The following HS3ST4 variants were observed in gnomAD, a reference collection of about 807,000 sequenced individuals.
The protein encoded by HS3ST4 is heparan sulfate-glucosamine 3-sulfotransferase 4.
In HS3ST4, 17 loss-of-function variants were observed where a neutral mutation model predicts 29.2. The observed-to-expected ratio is 0.58, with a 90% CI of 0.40 to 0.87. The LOEUF is 0.87. HS3ST4 is among the 40% of genes least tolerant of loss of function. HS3ST4 has a pLI of 0.00. For missense variants in HS3ST4, 627 were observed against 634.5 expected (o/e 0.99, Z 0.13); for synonymous variants, 314 against 285.7 (o/e 1.10, Z -1.00).
intron 1 of HS3ST4, among the ~76,000 whole-genome samples, chr16:25,966,508 A>G (rs952585488): frequency 3.3e-5 from 5 of 152,080 alleles, no homozygotes; most frequent in African/African-American, 9.7e-5. Flanking sequence ...GAGGTGCTCT[A>G]TTGCTTGCCA....
At chr16:25,755,941 T>A (rs775407077) in intron 1 of HS3ST4, among the ~76,000 whole-genome samples, 3 of 152,184 alleles carry the variant, frequency 2.0e-5, no homozygotes, top group Non-Finnish European at 4.4e-5. Flanking sequence ...TATGTCTTCA[T>A]CAGACACAAA....
At chr16:25,978,744 C>T (rs1968970277) in intron 1 of HS3ST4, among the ~76,000 whole-genome samples, 1 of 152,126 alleles carries the variant, frequency 6.6e-6, no homozygotes, top group Admixed American at 6.5e-5. Flanking sequence ...TTATGGCTTG[C>T]ATGGCTGACT....
At chr16:26,026,575 C>G (rs1281754193) in intron 1 of HS3ST4, among the ~76,000 whole-genome samples, 1 of 152,180 alleles carries the variant, frequency 6.6e-6, no homozygotes, top group Non-Finnish European at 1.5e-5. Context: ...AGAATCAACT[C>G]TCTCCAGAAG....
intron 1 of HS3ST4, among the ~76,000 whole-genome samples, chr16:26,021,695 A>G (rs1436226432): frequency 1.3e-5 from 2 of 152,030 alleles, no homozygotes; most frequent in Non-Finnish European, 2.9e-5. Flanking sequence ...GACAGAGTCT[A>G]GTTCCGTCAC....
chr16:25,761,070 TC>T (rs1205182377), intron 1 of HS3ST4, among the ~76,000 whole-genome samples: 6 of 152,076 alleles, frequency 3.9e-5, no homozygotes, highest in Admixed American at 3.9e-4. Context: ...GACCTCCCCA[TC>T]AGACCCCAGA....
In HS3ST4 at chr16:26,006,300, GAAAAAAAAAA is replaced by G. The variant is rs11461863; in HGVS notation, c.735-129296_735-129287del. 1.0e-3 allele frequency among the ~76,000 whole-genome samples: 70 copies of G among 68,672 alleles called. No homozygotes were observed. In the East Asian group the frequency reaches 0.036, roughly 35 times the overall value. 45.1% of individuals were successfully genotyped at this position (68,672 alleles called of 152,430 possible). A position where few individuals can be genotyped will look rare whatever the true frequency, so the allele number is the denominator to read the frequency against. ...GGTGACAAAGTGAGACTCTGTTTCA[GAAAAAAAAAA>G]AAAAAAAAAAAAAAAGAGGCTCAAG... On this transcript the variant is annotated intron_variant, in intron 1 of 1. Coordinates refer to ENST00000331351, the MANE Select transcript of HS3ST4 (RefSeq NM_006040.3).
In HS3ST4 at chr16:26,136,431, C is replaced by T. The variant is rs1228631581; in HGVS notation, c.*183C>T. Reference sequence around the variant, plus strand: ...CAAACAGGTGGATCCCATGGCATCCCCATGGAGGAACCAGGCCCATCTGGG... The same window carrying T: ...CAAACAGGTGGATCCCATGGCATCCTCATGGAGGAACCAGGCCCATCTGGG... On this transcript the variant is annotated 3_prime_UTR_variant, in exon 2 of 2. Transcript: ENST00000331351. The T allele has an allele frequency of 1.8e-5, 11 of 624,596 alleles. No individual in the cohort carries two copies. Among genetic ancestry groups the T allele is most frequent in the Non-Finnish European group, 2.8e-5 (10 of 362,250 alleles). 38.7% of individuals were successfully genotyped at this position (624,596 alleles called of 1,614,324 possible). A position where few individuals can be genotyped will look rare whatever the true frequency, so the allele number is the denominator to read the frequency against.
chr16:25,792,412 G>A (rs900917997), intron 1 of HS3ST4, among the ~76,000 whole-genome samples: 20 of 151,832 alleles, frequency 1.3e-4, no homozygotes, highest in Admixed American at 1.1e-3. Context: ...AAAATTTGCT[G>A]ATGAAGCTGT....
intron 1 of HS3ST4, among the ~76,000 whole-genome samples, chr16:25,784,284 A>G (rs760131395): frequency 1.4e-4 from 21 of 152,020 alleles, no homozygotes; most frequent in Admixed American, 2.6e-4. Flanking sequence ...TAACCCTACA[A>G]TGACCTCTAA....
At chr16:25,852,931 TATACTCA>T (rs1474654813) in intron 1 of HS3ST4, among the ~76,000 whole-genome samples, 1 of 152,194 alleles carries the variant, frequency 6.6e-6, no homozygotes, top group East Asian at 1.9e-4. Flanking sequence ...TTTCCAAATG[TATACTCA>T]GTTGTGTCAG....
intron 1 of HS3ST4, among the ~76,000 whole-genome samples, chr16:26,027,544 A>G (rs1160932108): frequency 6.6e-6 from 1 of 152,168 alleles, no homozygotes; most frequent in Non-Finnish European, 1.5e-5. Flanking sequence ...TTGCTTCTCC[A>G]AATTATGGTA....
intron 1 of HS3ST4, among the ~76,000 whole-genome samples, chr16:25,805,736 T>A (rs1015181029): frequency 2.6e-5 from 4 of 152,222 alleles, no homozygotes; most frequent in African/African-American, 9.6e-5. Flanking sequence ...GGGGTACATG[T>A]GCAGGGTGTG....
intron 1 of HS3ST4, among the ~76,000 whole-genome samples, chr16:26,056,615 C>T (rs895835556): frequency 1.3e-5 from 2 of 152,214 alleles, no homozygotes; most frequent in African/African-American, 4.8e-5. Flanking sequence ...AATGTGTGCA[C>T]ACTGGTGGGT....
At chr16:25,783,264 C>T (rs568467485) in intron 1 of HS3ST4, among the ~76,000 whole-genome samples, 98 of 152,246 alleles carry the variant, frequency 6.4e-4, no homozygotes, top group African/African-American at 2.2e-3. Context: ...TAGATTGGGA[C>T]TCCTCCTCCA....
chr16:25,862,591 C>G (rs1967649516), intron 1 of HS3ST4, among the ~76,000 whole-genome samples: 1 of 152,244 alleles, frequency 6.6e-6, no homozygotes, highest in Admixed American at 6.5e-5. Context: ...GGCGAGGTCC[C>G]TAACAGTCTG....
intron 1 of HS3ST4, among the ~76,000 whole-genome samples, chr16:25,890,357 GT>G (rs1967995535): frequency 6.6e-6 from 1 of 152,172 alleles, no homozygotes; most frequent in African/African-American, 2.4e-5. Flanking sequence ...ATCTCCTAGG[GT>G]AAGGACCCAG....
At chr16:26,059,913 G>T (rs1303398081) in intron 1 of HS3ST4, among the ~76,000 whole-genome samples, 1 of 152,022 alleles carries the variant, frequency 6.6e-6, no homozygotes, top group Non-Finnish European at 1.5e-5. Flanking sequence ...GAGTAGCTGG[G>T]ATTACAGGTG....
chr16:25,871,514 A>G (rs4238926), intron 1 of HS3ST4, among the ~76,000 whole-genome samples: 91,838 of 152,014 alleles, frequency 0.6, 28,449 homozygotes, highest in Non-Finnish European at 0.67. Flanking sequence ...AATAAAAAAT[A>G]ATAACATATA....
At chr16:25,956,152 G>A (rs1296513567) in intron 1 of HS3ST4, among the ~76,000 whole-genome samples, 3 of 152,226 alleles carry the variant, frequency 2.0e-5, no homozygotes, top group African/African-American at 4.8e-5. Context: ...AGAAAAGAGT[G>A]ACTAAATTCA....
Sources: allele counts gnomAD v4.1 joint callset (sites outside exome capture counted in the v4.1 genomes callset), GRCh38; gene constraint gnomAD v4.1.1; transcripts MANE v1.5; gene names NCBI Gene and HGNC (gene_info 2026-07-23, HGNC 2026-07-21).